The following AFDN variants were observed in gnomAD, a reference collection of about 807,000 sequenced individuals.
AFDN encodes the protein afadin, adherens junction formation factor.
AFDN carries 68 observed loss-of-function variants against 216.6 expected under a neutral mutation model. That is an observed-to-expected ratio of 0.31 (90% CI 0.26 to 0.38). The LOEUF is 0.38. Among genes scored for constraint, AFDN ranks in the 10% least tolerant of loss-of-function variants. AFDN has a pLI of 1.00. For synonymous variants in AFDN, 868 were observed against 853.7 expected (o/e 1.02, Z -0.29); for missense variants, 2,136 against 2,342.0 (o/e 0.91, Z 1.82).
rs1379987457 is a variant in AFDN, at chr6:167,951,207, G to C, written c.3853G>C (p.Glu1285Gln). Residue 1285 changes from glutamate (E) to glutamine (Q), a missense_variant, in exon 30 of 34, where the codon GAA becomes CAA. Physicochemically the swap from Glu to Gln is conservative, Grantham distance 29. Transcript: ENST00000683244. The surrounding 1 kb of genome is among the most constrained non-coding windows in gnomAD (Gnocchi z 7.1). ...GCAGCGTGTTACACGTTCCCAAGAA[G>C]AACTTCGAGAAGATAAAGCTTACCA... Reference protein sequence around the residue: ...AIQRVTRSQEELREDKAYQLE... With the variant: ...AIQRVTRSQEQLREDKAYQLE... The C allele has an allele frequency of 3.2e-6, 5 of 1,562,608 alleles. No homozygotes were observed. The African/African-American group carries it at 6.9e-5, about 22-fold the overall frequency.
chr6:167,882,651 A>G (rs2128304044), intron 6 of AFDN, among the ~76,000 whole-genome samples: 1 of 152,230 alleles, frequency 6.6e-6, no homozygotes, highest in South Asian at 2.1e-4. Flanking sequence ...TCTCAAAAAC[A>G]AACAAACAAA....
rs778468118 is a variant in AFDN, at chr6:167,962,464, A to C, written c.4865A>C (p.Gln1622Pro). 1 of 1,613,782 alleles carries C rather than the reference A, an allele frequency of 6.2e-7. No individual in the cohort carries two copies. The highest frequency in any genetic ancestry group is 1.1e-5 in the South Asian group (1 of 91,074). The stretch of plus-strand genomic sequence containing the variant: ...GACGAGGAGCGGAGGCGGCAGCAGC[A>C]GTTAGAAGAGATGCGCAAGCGGGAA... ...LQDEERRRQQ[Q>P]LEEMRKREAE... Residue 1622 changes from glutamine (Q) to proline (P), a missense_variant, in exon 31 of 34, where the codon CAG (glutamine) becomes CCG (proline). Physicochemically the swap from Gln to Pro is moderately conservative, Grantham distance 76 (BLOSUM62 -1). This residue lies in a region of AFDN where 981 missense variants were observed against 966.0 expected (regional missense o/e 1.02). Transcript: ENST00000683244. This position sits in a 1 kb window ranked among gnomAD's most constrained non-coding sequence, Gnocchi z 5.2.
chr6:167,905,923 G>A (rs1261506002), intron 12 of AFDN, among the ~76,000 whole-genome samples: 1 of 152,138 alleles, frequency 6.6e-6, no homozygotes, highest in Non-Finnish European at 1.5e-5. Flanking sequence ...GGCTAACATG[G>A]TGAAACCCTG....
At chr6:167,920,734 A>G (rs562973943) in intron 21 of AFDN, among the ~76,000 whole-genome samples, 25 of 152,314 alleles carry the variant, frequency 1.6e-4, no homozygotes, top group African/African-American at 5.5e-4. Flanking sequence ...GATGTCATTC[A>G]TATTGAACTG....
chr6:167,919,225 G>A (rs922594048), intron 21 of AFDN, among the ~76,000 whole-genome samples: 2 of 152,202 alleles, frequency 1.3e-5, no homozygotes, highest in African/African-American at 2.4e-5. Flanking sequence ...ACCGTTTATT[G>A]TTCTCCCTTC....
chr6:167,887,171 T>G (rs755047005), intron 6 of AFDN, among the ~76,000 whole-genome samples: 1 of 152,186 alleles, frequency 6.6e-6, no homozygotes, highest in Non-Finnish European at 1.5e-5. Flanking sequence ...TTTAACATCT[T>G]TTTCTTTTCA....
chr6:167,937,309 T>C (rs528759107), intron 23 of AFDN, among the ~76,000 whole-genome samples: 1 of 152,380 alleles, frequency 6.6e-6, no homozygotes, highest in South Asian at 2.1e-4. Context: ...TCGTGATGCA[T>C]TGTCTTGACT....
chr6:167,897,895 C>CG, intron 10 of AFDN, among the ~76,000 whole-genome samples: 2 of 152,164 alleles, frequency 1.3e-5, no homozygotes, highest in Non-Finnish European at 2.9e-5. Flanking sequence ...CCGCCCATCT[C>CG]GGCCTCCCAA....
intron 9 of AFDN, among the ~76,000 whole-genome samples, chr6:167,894,680 ATC>A (rs1287007724): frequency 6.6e-6 from 1 of 152,214 alleles, no homozygotes; most frequent in African/African-American, 2.4e-5. Flanking sequence ...AAGGATGTTT[ATC>A]TCTCTATCTG....
chr6:167,830,964 C>CAGGA, intron 1 of AFDN, among the ~76,000 whole-genome samples: 1 of 68,728 alleles, frequency 1.5e-5, no homozygotes, highest in Middle Eastern at 0.019. Flanking sequence ...TTTTTTGAGT[C>CAGGA]AGAGTCTCAC....
intron 10 of AFDN, among the ~76,000 whole-genome samples, chr6:167,897,646 T>TTTTC (rs1016836519): frequency 6.0e-5 from 4 of 67,194 alleles, no homozygotes; most frequent in African/African-American, 1.6e-4. Flanking sequence ...GTATGCCTTT[T>TTTTC]TTTTTTTTTT....
chr6:167,846,259 T>G (rs1384105202), intron 1 of AFDN, among the ~76,000 whole-genome samples: 1 of 152,070 alleles, frequency 6.6e-6, no homozygotes, highest in Non-Finnish European at 1.5e-5. Flanking sequence ...GTGACTGGAC[T>G]GCGTGGTATC....
At chr6:167,880,538 A>G (rs755403508) in intron 6 of AFDN, 21 bp downstream of exon 6, 2 of 1,609,056 alleles carry the variant, frequency 1.2e-6, no homozygotes, top group Non-Finnish European at 1.7e-6. Context: ...TTATCAAATC[A>G]GTAGTTCTTT....
chr6:167,835,954 T>G (rs149871791), intron 1 of AFDN, among the ~76,000 whole-genome samples: 166 of 152,370 alleles, frequency 1.1e-3, no homozygotes, highest in Non-Finnish European at 1.7e-3. Flanking sequence ...AATATAAACG[T>G]ATAATATTTA....
intron 6 of AFDN, among the ~76,000 whole-genome samples, chr6:167,888,856 G>A (rs954185020): frequency 6.6e-6 from 1 of 152,080 alleles, no homozygotes; most frequent in African/African-American, 2.4e-5. Flanking sequence ...TGAAAAGGTG[G>A]GTTAAGGACT....
chr6:167,952,948 A>T (rs560068257), intron 30 of AFDN, among the ~76,000 whole-genome samples: 1 of 152,394 alleles, frequency 6.6e-6, no homozygotes, highest in East Asian at 1.9e-4. Flanking sequence ...TAACAAAAGT[A>T]TAAATTCGTT....
At chr6:167,923,030 C>G (rs757952100) in intron 22 of AFDN, 71 bp downstream of exon 22, 1 of 1,041,790 alleles carries the variant, frequency 9.6e-7, no homozygotes, top group Non-Finnish European at 1.5e-6. Flanking sequence ...AGATTTGTTT[C>G]TTTCTTACAC....
intron 13 of AFDN, among the ~76,000 whole-genome samples, chr6:167,910,823 A>G (rs1790288928): frequency 6.6e-6 from 1 of 152,206 alleles, no homozygotes. Flanking sequence ...TGTACTAGAC[A>G]TGAAGTGTTC....
intron 30 of AFDN, among the ~76,000 whole-genome samples, chr6:167,960,864 C>G (rs115331603): frequency 0.019 from 2,959 of 152,252 alleles, 94 homozygotes; most frequent in African/African-American, 0.068. Flanking sequence ...ATCCTAACAT[C>G]CCTCTTGGGG....
Sources: allele counts gnomAD v4.1 joint callset (sites outside exome capture counted in the v4.1 genomes callset), GRCh38; gene constraint gnomAD v4.1.1; regional missense constraint gnomAD v4.1.1; non-coding constraint Gnocchi (gnomAD v3.1); transcripts MANE v1.5; gene names NCBI Gene and HGNC (gene_info 2026-07-23, HGNC 2026-07-21).